The following ROBO1 variants were observed in gnomAD, a reference collection of about 807,000 sequenced individuals.
ROBO1 encodes the protein roundabout homolog 1.
In ROBO1, 149 loss-of-function variants were observed where a neutral mutation model predicts 195.9. The observed-to-expected ratio is 0.76, with a 90% CI of 0.67 to 0.87. ROBO1 has a LOEUF of 0.87. Ranked by LOEUF, ROBO1 falls within the 40% of genes least tolerant of loss-of-function variation. The pLI is 0.00. For synonymous variants in ROBO1, 816 were observed against 733.2 expected (o/e 1.11, Z -1.82); for missense variants, 1,933 against 2,068.3 (o/e 0.93, Z 1.27).
chr3:79,337,346 G>A (rs1576993325), intron 2 of ROBO1, among the ~76,000 whole-genome samples: 2 of 152,258 alleles, frequency 1.3e-5, no homozygotes, highest in African/African-American at 4.8e-5. Context: ...GGGACGAAGT[G>A]GAGATAATTG....
At chr3:79,671,990 C>G (rs1487603378) in intron 1 of ROBO1, among the ~76,000 whole-genome samples, 2 of 151,956 alleles carry the variant, frequency 1.3e-5, no homozygotes, top group Admixed American at 6.6e-5. Context: ...TCCTCTGTCA[C>G]TTAGTTTCTT....
intron 2 of ROBO1, among the ~76,000 whole-genome samples, chr3:79,188,200 C>A (rs1337985733): frequency 6.6e-6 from 1 of 151,816 alleles, no homozygotes; most frequent in East Asian, 1.9e-4. Context: ...GACATTTTTA[C>A]TGTTTTTATA....
intron 4 of ROBO1, among the ~76,000 whole-genome samples, chr3:78,754,327 G>T (rs2082872535): frequency 6.6e-6 from 1 of 152,156 alleles, no homozygotes; most frequent in South Asian, 2.1e-4. Context: ...TCACACTCAG[G>T]AGTAGCCTGG....
At chr3:78,622,610 G>A (rs938081249) in intron 26 of ROBO1, among the ~76,000 whole-genome samples, 3 of 152,126 alleles carry the variant, frequency 2.0e-5, no homozygotes, top group Non-Finnish European at 2.9e-5. Context: ...ATGAGAACTC[G>A]CCATTCTCCC....
At chr3:78,930,697 C>G (rs907789202) in intron 4 of ROBO1, among the ~76,000 whole-genome samples, 1 of 152,044 alleles carries the variant, frequency 6.6e-6, no homozygotes, top group Non-Finnish European at 1.5e-5. Flanking sequence ...ATCTTTGGTC[C>G]CCAAATCTAA....
intron 1 of ROBO1, among the ~76,000 whole-genome samples, chr3:79,672,269 T>A (rs1946654795): frequency 6.6e-6 from 1 of 151,830 alleles, no homozygotes; most frequent in Non-Finnish European, 1.5e-5. Flanking sequence ...TCACACACAC[T>A]AACACCTTTT....
At chr3:79,221,939 A>T (rs2108828231) in intron 2 of ROBO1, among the ~76,000 whole-genome samples, 1 of 152,218 alleles carries the variant, frequency 6.6e-6, no homozygotes, top group East Asian at 1.9e-4. Flanking sequence ...AGAGTTTTAC[A>T]TATTAATTCT....
intron 2 of ROBO1, among the ~76,000 whole-genome samples, chr3:79,350,206 C>T (rs1223423703): frequency 2.0e-5 from 3 of 152,104 alleles, no homozygotes; most frequent in Admixed American, 2.0e-4. Flanking sequence ...TGCTTAACGT[C>T]ATTAGTGATC....
chr3:78,758,963 C>G (rs1364101208), intron 4 of ROBO1: 3 of 152,324 alleles, frequency 2.0e-5, no homozygotes, highest in East Asian at 3.9e-4. Context: ...TTTCCACCAC[C>G]AGGAACCCAC....
chr3:79,550,182 A>AG (rs370475366), intron 2 of ROBO1, among the ~76,000 whole-genome samples: 1 of 101,524 alleles, frequency 9.8e-6, no homozygotes, highest in South Asian at 3.1e-4. Flanking sequence ...AAAGAAAGAA[A>AG]GAAAGAAAGA....
intron 1 of ROBO1, among the ~76,000 whole-genome samples, chr3:79,754,610 C>T (rs1704288594): frequency 6.6e-6 from 1 of 152,142 alleles, no homozygotes; most frequent in South Asian, 2.1e-4. Context: ...ATTCTTTCTC[C>T]TCATAGGCAG....
chr3:79,215,918 A>G (rs923967188), intron 2 of ROBO1, among the ~76,000 whole-genome samples: 1 of 152,172 alleles, frequency 6.6e-6, no homozygotes, highest in African/African-American at 2.4e-5. Context: ...CATCCTTGTT[A>G]GGGAGAAAGT....
intron 2 of ROBO1, among the ~76,000 whole-genome samples, chr3:79,294,447 C>G (rs917303180): frequency 1.3e-5 from 2 of 152,052 alleles, no homozygotes; most frequent in Non-Finnish European, 2.9e-5. Context: ...CAAAAATTAA[C>G]TCAAGATGGA....
At chr3:79,365,822 A>G (rs543577123) in intron 2 of ROBO1, among the ~76,000 whole-genome samples, 76 of 149,784 alleles carry the variant, frequency 5.1e-4, no homozygotes, top group Non-Finnish European at 2.5e-4. Flanking sequence ...GCGTGAACCC[A>G]GGAGGCGGAG....
chr3:78,865,102 G>A (rs1020346196), intron 4 of ROBO1, among the ~76,000 whole-genome samples: 1 of 152,138 alleles, frequency 6.6e-6, no homozygotes, highest in African/African-American at 2.4e-5. Context: ...TGCCTGGCTT[G>A]TGGGAAACTG....
At chr3:79,180,695 G>T (rs549526706) in intron 2 of ROBO1, among the ~76,000 whole-genome samples, 1 of 152,226 alleles carries the variant, frequency 6.6e-6, no homozygotes, top group South Asian at 2.1e-4. Flanking sequence ...AGTAATAAAA[G>T]CCATTATGAT....
chr3:79,411,705 A>G (rs1245271492), intron 2 of ROBO1, among the ~76,000 whole-genome samples: 1 of 152,194 alleles, frequency 6.6e-6, no homozygotes, highest in Non-Finnish European at 1.5e-5. Flanking sequence ...AACTCTTGCA[A>G]TAACATCTAG....
At chr3:78,763,422 C>A (rs1279372507) in intron 4 of ROBO1, among the ~76,000 whole-genome samples, 1 of 152,094 alleles carries the variant, frequency 6.6e-6, no homozygotes, top group African/African-American at 2.4e-5. Flanking sequence ...GGTACTTTAT[C>A]ATTTTTACCA....
chr3:79,606,035 C>CATATATATATATATATAT (rs111238153), intron 1 of ROBO1, among the ~76,000 whole-genome samples: 12 of 146,742 alleles, frequency 8.2e-5, no homozygotes, highest in African/African-American at 3.0e-4. Context: ...CATGTACCCA[C>CATATATATATATATATAT]ATATATATAT....
Sources: gnomAD v4.1 joint callset for allele counts (sites outside exome capture counted in the v4.1 genomes callset) on GRCh38, gnomAD v4.1.1 for gene constraint, MANE v1.5 for transcripts, NCBI Gene and HGNC (gene_info 2026-07-23, HGNC 2026-07-21) for gene names.